Variants in BCAT1 observed in about 807,000 individuals in gnomAD.
BCAT1 encodes branched-chain-amino-acid aminotransferase, cytosolic.
In BCAT1, 48 loss-of-function variants were observed where a neutral mutation model predicts 52.4. That is an observed-to-expected ratio of 0.92 (90% CI 0.73 to 1.16). The LOEUF (loss-of-function observed/expected upper bound fraction) is 1.16, where lower values mean the gene tolerates loss of function less well. BCAT1 is among the 50% of genes most tolerant of loss of function. The probability of loss-of-function intolerance (pLI) is 0.00; values close to 1 mark genes in which losing one functional copy is unlikely to be tolerated. For synonymous variants in BCAT1, 167 were observed against 161.3 expected, an observed-to-expected ratio of 1.04 and a Z score of -0.27; for missense variants, 451 against 457.1, an observed-to-expected ratio of 0.99 and a Z score of 0.12.
intron 10 of BCAT1, among the ~76,000 whole-genome samples, chr12:24,829,455 C>A (rs560465415): frequency 6.6e-6 from 1 of 152,290 alleles, no homozygotes; most frequent in South Asian, 2.1e-4. Flanking sequence ...CTGTAATTTT[C>A]TTCCTGAAGT....
chr12:24,847,888 CA>C (rs1379166847), intron 6 of BCAT1, among the ~76,000 whole-genome samples: 1 of 152,230 alleles, frequency 6.6e-6, no homozygotes, highest in Non-Finnish European at 1.5e-5. Context: ...ATTAGGTTTA[CA>C]GATGTAATAA....
Position 24,878,668 on chromosome 12 carries a change from T to C in BCAT1, c.391-19A>G, listed in dbSNP as rs756548979. 1.3e-6 allele frequency: 2 copies of C among 1,588,320 alleles called. No individual in the cohort carries two copies. The highest frequency in any genetic ancestry group is 1.7e-6 in the Non-Finnish European group (2 of 1,166,322). On this transcript the variant is annotated intron_variant, in intron 4 of 10. Coordinates refer to ENST00000261192, the MANE Select transcript of BCAT1 (RefSeq NM_005504.7). The stretch of plus-strand genomic sequence containing the variant: ...CAAATACCTGAAAGAATGAAAAACA[T>C]AATAAATGACAGAATTTTCTCACAA...
chr12:24,877,355 C>T (rs916815698), intron 5 of BCAT1, among the ~76,000 whole-genome samples: 19 of 152,216 alleles, frequency 1.2e-4, no homozygotes, highest in Admixed American at 1.2e-3. Context: ...CAATATCACA[C>T]TCTCAAGCCA....
intron 10 of BCAT1, among the ~76,000 whole-genome samples, chr12:24,823,919 T>G (rs1452630611): frequency 6.6e-6 from 1 of 152,230 alleles, no homozygotes; most frequent in Non-Finnish European, 1.5e-5. Flanking sequence ...ATAATCTTAC[T>G]TTTAAAAATG....
intron 5 of BCAT1, among the ~76,000 whole-genome samples, chr12:24,866,494 G>A (rs1035784263): frequency 2.6e-5 from 4 of 152,246 alleles, no homozygotes; most frequent in East Asian, 1.9e-4. Flanking sequence ...GGTGCACGGC[G>A]CGGGACTGGC....
chr12:24,862,059 C>G (rs1941861485), intron 5 of BCAT1, among the ~76,000 whole-genome samples: 1 of 152,180 alleles, frequency 6.6e-6, no homozygotes, highest in African/African-American at 2.4e-5. Context: ...AATTCCCCAC[C>G]CCTTTCCAGG....
intron 2 of BCAT1, among the ~76,000 whole-genome samples, chr12:24,895,951 A>C (rs757783477): frequency 3.9e-5 from 6 of 152,212 alleles, no homozygotes; most frequent in Non-Finnish European, 8.8e-5. Flanking sequence ...TAGTAATGCT[A>C]CTTTGTAATA....
chr12:24,908,152 A>G (rs970258612), intron 1 of BCAT1, among the ~76,000 whole-genome samples: 1 of 152,162 alleles, frequency 6.6e-6, no homozygotes, highest in Non-Finnish European at 1.5e-5. Context: ...TCTTTTCTTC[A>G]TAGAACTGCT....
intron 5 of BCAT1, among the ~76,000 whole-genome samples, chr12:24,852,517 A>G (rs569336861): frequency 6.6e-6 from 1 of 152,328 alleles, no homozygotes; most frequent in South Asian, 2.1e-4. Flanking sequence ...AAGTAACAAT[A>G]ACGTGTTATG....
chr12:24,819,298 T>TC (rs1194353023), intron 10 of BCAT1, among the ~76,000 whole-genome samples: 1 of 152,190 alleles, frequency 6.6e-6, no homozygotes, highest in African/African-American at 2.4e-5. Context: ...ATGTCTATTT[T>TC]CACACGAAAT....
chr12:24,836,327 A>G (rs570360772), intron 8 of BCAT1, 184 bp downstream of exon 8: 26 of 583,560 alleles, frequency 4.5e-5, no homozygotes, highest in African/African-American at 3.7e-4. Context: ...GCTATCAACA[A>G]TACTTATTTT....
chr12:24,862,408 CACA>C (rs1422684740), intron 5 of BCAT1, among the ~76,000 whole-genome samples: 2 of 152,334 alleles, frequency 1.3e-5, no homozygotes, highest in South Asian at 2.1e-4. Context: ...GCAGTTTCAA[CACA>C]ACAACAAGAA....
chr12:24,844,085 A>T (rs535089969), intron 6 of BCAT1, among the ~76,000 whole-genome samples: 32 of 152,272 alleles, frequency 2.1e-4, no homozygotes, highest in African/African-American at 7.5e-4. Flanking sequence ...ACTTGGAAAT[A>T]ATTGCTTTAG....
Position 24,817,654 on chromosome 12 carries a change from T to G in BCAT1, c.*354A>C, listed in dbSNP as rs2200509. ...AAACACACACAAAAAATTGCATTTG[T>G]TTGAGGAGCAGAATGTAACTTATAT... On this transcript the variant is annotated 3_prime_UTR_variant, in exon 11 of 11. Coordinates refer to ENST00000261192, the MANE Select transcript of BCAT1 (RefSeq NM_005504.7). 155,428 of 181,268 alleles carry G rather than the reference T, an allele frequency of 0.86. 66,726 individuals are homozygous for G. Among genetic ancestry groups the G allele is most frequent in the Admixed American group, 0.89 (14,699 of 16,576 alleles). The allele number at this position is 181,268 out of a possible 1,614,324, so 11.2% of individuals were successfully genotyped here.
At chr12:24,936,008 T>G (rs1357024871) in intron 1 of BCAT1, among the ~76,000 whole-genome samples, 2 of 152,220 alleles carry the variant, frequency 1.3e-5, no homozygotes, top group Non-Finnish European at 2.9e-5. Flanking sequence ...AGCAGCGCCT[T>G]TAACATCCCT....
chr12:24,871,722 TAAAAA>T (rs1942188493), intron 5 of BCAT1, among the ~76,000 whole-genome samples: 1 of 151,444 alleles, frequency 6.6e-6, no homozygotes, highest in Non-Finnish European at 1.5e-5. Flanking sequence ...CTCCAAAGAG[TAAAAA>T]ACATCCCCTG....
intron 5 of BCAT1, among the ~76,000 whole-genome samples, chr12:24,858,433 TAA>T (rs1290674657): frequency 6.6e-6 from 1 of 152,240 alleles, no homozygotes; most frequent in Non-Finnish European, 1.5e-5. Flanking sequence ...ACATCTGGTC[TAA>T]ATTAGGTCAG....
Position 24,934,264 on chromosome 12 carries a change from G to A in BCAT1, c.6+14663C>T, listed in dbSNP as rs2139748861. ...TTCTCACTGTGTCTCCTGCCACCAT[G>A]TAAGATGTGCCTTGCTTCCTCTTCA... On this transcript the variant is annotated intron_variant, in intron 1 of 10. Transcript: ENST00000261192. Among the ~76,000 whole-genome samples the A allele has an allele frequency of 3.3e-5, 5 of 152,330 alleles. 1 individual carries two copies. In the Middle Eastern group the frequency reaches 0.017, roughly 518 times the overall value.
intron 5 of BCAT1, among the ~76,000 whole-genome samples, chr12:24,874,005 A>C (rs1942255340): frequency 6.6e-6 from 1 of 152,366 alleles, no homozygotes; most frequent in South Asian, 2.1e-4. Flanking sequence ...ACAAGTATGT[A>C]TCTATGAAGA....
Sources: gnomAD v4.1 joint callset for allele counts (sites outside exome capture counted in the v4.1 genomes callset) on GRCh38, gnomAD v4.1.1 for gene constraint, MANE v1.5 for transcripts, NCBI Gene and HGNC (gene_info 2026-07-23, HGNC 2026-07-21) for gene names.